Variants in GDNF observed in about 807,000 individuals in gnomAD.
GDNF encodes glial cell derived neurotrophic factor, also known as glial cell line-derived neurotrophic factor.
A neutral mutation model predicts 13.7 loss-of-function variants in GDNF; 5 were observed. The ratio of observed to expected loss-of-function variants is 0.36; its 90% CI spans 0.19 to 0.77. The LOEUF is 0.77. Ranked by LOEUF, GDNF falls within the 30% of genes least tolerant of loss-of-function variation. The probability of loss-of-function intolerance (pLI) is 0.51; values close to 1 mark genes in which losing one functional copy is unlikely to be tolerated. For synonymous variants in GDNF, 122 were observed against 112.5 expected (o/e 1.08, Z -0.53); for missense variants, 246 against 274.3 (o/e 0.90, Z 0.73).
rs1750806828 is a variant in GDNF, at chr5:37,839,051, C to T, written c.-27+456G>A. Among the ~76,000 whole-genome samples the T allele has an allele frequency of 1.3e-5, 2 of 152,114 alleles. No homozygotes were observed. The highest frequency in any genetic ancestry group is 2.4e-5 in the African/African-American group (1 of 41,438). On this transcript the variant is annotated intron_variant, in intron 1 of 2. Transcript: ENST00000326524. This position sits in a 1 kb window ranked among gnomAD's most constrained non-coding sequence, Gnocchi z 5.5. ...AGCCCCTCCCCCGGCCTGCGCTTTTCCTTGGCACAGATCAAAACAAGCTCA... is the reference window on the plus strand; with the variant it reads ...AGCCCCTCCCCCGGCCTGCGCTTTTTCTTGGCACAGATCAAAACAAGCTCA...
intron 2 of GDNF, among the ~76,000 whole-genome samples, chr5:37,832,258 T>C (rs2111709243): frequency 6.6e-6 from 1 of 152,348 alleles, no homozygotes; most frequent in South Asian, 2.1e-4. Context: ...AAATGAAATG[T>C]GGTGACTTAA....
chr5:37,828,058 C>A (rs1750390167), intron 2 of GDNF, among the ~76,000 whole-genome samples: 1 of 152,228 alleles, frequency 6.6e-6, no homozygotes, highest in East Asian at 1.9e-4. Flanking sequence ...CTGAGCTAAC[C>A]AGTTGTTTCC....
rs1749922297 is a variant in GDNF, at chr5:37,816,130, T to A, written c.157A>T (p.Met53Leu). 2 of 1,613,768 alleles carry A rather than the reference T, an allele frequency of 1.2e-6. No individual in the cohort carries two copies. The highest frequency in any genetic ancestry group is 1.7e-6 in the Non-Finnish European group (2 of 1,179,688). Residue 53 changes from methionine to leucine, a missense_variant, in exon 3 of 3, where the codon ATG (methionine) becomes TTG (leucine). Physicochemically the swap from Met to Leu is conservative, Grantham distance 15. Coordinates refer to ENST00000326524, the MANE Select transcript of GDNF (RefSeq NM_000514.4). The part of the protein sequence containing the change: ...APFALSSDSN[M>L]PEDYPDQFDD... ...AACTGATCAGGATAATCCTCTGGCA[T>A]ATTTGCTGTTCAAAAAGAAAAGAGA... is the stretch of plus-strand genomic sequence containing the variant.
At position 37,815,552 on chromosome 5, in the gene GDNF, T is replaced by C; in HGVS notation, c.*99A>G. The C allele has an allele frequency of 9.0e-7, 1 of 1,111,972 alleles. No homozygotes were observed. Among genetic ancestry groups the C allele is most frequent in the Non-Finnish European group, 1.4e-6 (1 of 733,364 alleles). The allele number at this position is 1,111,972 out of a possible 1,614,324, so 68.9% of individuals were successfully genotyped here. A position where few individuals can be genotyped will look rare whatever the true frequency, so the allele number is the denominator to read the frequency against. On this transcript the variant is annotated 3_prime_UTR_variant, in exon 3 of 3. Transcript: ENST00000326524. This position sits in a 1 kb window ranked among gnomAD's most constrained non-coding sequence, Gnocchi z 5.0. Reference sequence around the variant, plus strand: ...TCTTCCTCCTCCTCCGCCTCCTTGGTCCTCATCTTCCATTCTGGGCAAACA... The same window carrying C: ...TCTTCCTCCTCCTCCGCCTCCTTGGCCCTCATCTTCCATTCTGGGCAAACA...
intron 2 of GDNF, among the ~76,000 whole-genome samples, chr5:37,827,997 C>T (rs1465471663): frequency 6.6e-6 from 1 of 152,176 alleles, no homozygotes; most frequent in Non-Finnish European, 1.5e-5. Flanking sequence ...AACCATGCTT[C>T]TCTACTTCAA....
At chr5:37,835,467 G>T in intron 1 of GDNF, 1 of 1,462,580 alleles carries the variant, frequency 6.8e-7, no homozygotes, top group Non-Finnish European at 9.0e-7. Flanking sequence ...AGTTAGCAGG[G>T]ACTTGGAGAC....
Position 37,837,541 on chromosome 5 carries a change from C to T in GDNF, c.-27+1966G>A, listed in dbSNP as rs950451571. Among the ~76,000 whole-genome samples, 1 of 152,168 alleles carries T rather than the reference C, an allele frequency of 6.6e-6. No individual in the cohort carries two copies. ...GCAGAAGCAGCCGCTCGCCGCGAGG[C>T]ACTTCTGAGTTCCCGGCAGCAGGGG... On this transcript the variant is annotated intron_variant, in intron 1 of 2. Coordinates refer to ENST00000326524, the MANE Select transcript of GDNF (RefSeq NM_000514.4). The surrounding 1 kb of genome is among the most constrained non-coding windows in gnomAD (Gnocchi z 6.5).
In GDNF at chr5:37,835,689, T is replaced by C. The variant is rs1053942222; in HGVS notation, c.-26-867A>G. On this transcript the variant is annotated intron_variant, in intron 1 of 2. Transcript: ENST00000326524. ...TTGAAAGTTTTAATCCTCCGTGGTA[T>C]ACCCGAAAACCCTCTCTTGACTGGA... 1.9e-6 allele frequency: 3 copies of C among 1,546,670 alleles called. No individual in the cohort carries two copies. The African/African-American group carries it at 4.1e-5, about 21-fold the overall frequency.
In GDNF at chr5:37,831,634, T is replaced by A. The variant is rs145811785; in HGVS notation, c.151+3012A>T. On this transcript the variant is annotated intron_variant, in intron 2 of 2. Transcript: ENST00000326524. Reference sequence around the variant, plus strand: ...TTTGGGGGAAACTCTGGTCCCAGCTTCAGACCTGCCTCCTGTGATCATGGA... The same window carrying A: ...TTTGGGGGAAACTCTGGTCCCAGCTACAGACCTGCCTCCTGTGATCATGGA... Among the ~76,000 whole-genome samples, 648 of 152,288 alleles carry A rather than the reference T, an allele frequency of 4.3e-3. 4 individuals are homozygous for A. The highest frequency in any genetic ancestry group is 5.5e-3 in the Non-Finnish European group (371 of 68,016).
chr5:37,819,152 A>G (rs375000788), intron 2 of GDNF, among the ~76,000 whole-genome samples: 7 of 151,946 alleles, frequency 4.6e-5, no homozygotes, highest in East Asian at 3.9e-4. Flanking sequence ...GCGGAAAGAG[A>G]GTTCTTAATT....
intron 2 of GDNF, among the ~76,000 whole-genome samples, chr5:37,818,439 C>T (rs567286611): frequency 1.1e-4 from 16 of 152,332 alleles, no homozygotes; most frequent in African/African-American, 3.8e-4. Context: ...TGTGACTTTG[C>T]TCCTCCTTTG....
At position 37,834,718 on chromosome 5, in the gene GDNF, T is replaced by C. The variant is rs1750640070; in HGVS notation, c.79A>G (p.Arg27Gly). The C allele has an allele frequency of 1.2e-6, 2 of 1,611,370 alleles. No individual in the cohort carries two copies. Among genetic ancestry groups the C allele is most frequent in the African/African-American group, 1.3e-5 (1 of 74,744 alleles). ...ASAFPLPAGK[R>G]PPEAPAEDRS... ...TCTTCGGCGGGCGCCTCGGGAGGCC[T>C]CTTACCGGCGGGCAGCGGGAAGGCG... Residue 27 changes from arginine (R) to glycine (G), a missense_variant, in exon 2 of 3, where the codon AGG (arginine) becomes GGG (glycine). Coordinates refer to ENST00000326524, the MANE Select transcript of GDNF (RefSeq NM_000514.4).
chr5:37,818,617 T>C (rs889963650), intron 2 of GDNF, among the ~76,000 whole-genome samples: 11 of 152,180 alleles, frequency 7.2e-5, no homozygotes, highest in African/African-American at 2.7e-4. Context: ...GATCAAGGTA[T>C]CTCTGGATAT....
chr5:37,826,507 C>T (rs1398933672), intron 2 of GDNF, among the ~76,000 whole-genome samples: 1 of 152,216 alleles, frequency 6.6e-6, no homozygotes, highest in Non-Finnish European at 1.5e-5. Context: ...GCAGAAGCCA[C>T]AGGCCCGTCT....
chr5:37,836,409 T>G (rs544489368), intron 1 of GDNF, among the ~76,000 whole-genome samples: 3 of 152,042 alleles, frequency 2.0e-5, no homozygotes, highest in Non-Finnish European at 1.5e-5. Flanking sequence ...CAGAGACTAA[T>G]GCATTTTACA....
At position 37,838,658 on chromosome 5, in the gene GDNF, C is replaced by A. The variant is rs1347765038; in HGVS notation, c.-27+849G>T. ...GGAACCCGCGAAAGTCCGTTTCCAGCCCGAAGAGGGTTCGTTTTTCTTCGT... is the reference window on the plus strand; with the variant it reads ...GGAACCCGCGAAAGTCCGTTTCCAGACCGAAGAGGGTTCGTTTTTCTTCGT... On this transcript the variant is annotated intron_variant, in intron 1 of 2. Transcript: ENST00000326524. The surrounding 1 kb of genome is among the most constrained non-coding windows in gnomAD (Gnocchi z 4.1). 1.3e-5 allele frequency among the ~76,000 whole-genome samples: 2 copies of A among 152,208 alleles called. No homozygotes were observed. Among genetic ancestry groups the A allele is most frequent in the Non-Finnish European group, 2.9e-5 (2 of 68,044 alleles).
chr5:37,826,265 A>G lies in GDNF; in HGVS notation c.151+8381T>C, dbSNP rs1003336699. Among the ~76,000 whole-genome samples, 4 of 152,366 alleles carry G rather than the reference A, an allele frequency of 2.6e-5. No individual in the cohort carries two copies. The South Asian group carries it at 8.3e-4, about 32-fold the overall frequency. On this transcript the variant is annotated intron_variant, in intron 2 of 2. Coordinates refer to ENST00000326524, the MANE Select transcript of GDNF (RefSeq NM_000514.4). ...TTTCAGCTCAGTTCCTGGTCCACAG[A>G]AAGTATTTCACAAATGGTGCCTAAT...
In GDNF at chr5:37,839,377, C is replaced by T. The variant is rs1370001312; in HGVS notation, c.-27+130G>A. The stretch of plus-strand genomic sequence containing the variant: ...GCTTAGGTTCCCTCTAGTCTTTCCA[C>T]TTTCTACTCTCACCGTTTGCTCTGG... On this transcript the variant is annotated intron_variant, in intron 1 of 2. Transcript: ENST00000326524. This position sits in a 1 kb window ranked among gnomAD's most constrained non-coding sequence, Gnocchi z 5.5. The T allele has an allele frequency of 6.6e-6, 1 of 152,334 alleles. No individual in the cohort carries two copies. Among genetic ancestry groups the T allele is most frequent in the East Asian group, 1.9e-4 (1 of 5,178 alleles). 9.4% of individuals were successfully genotyped at this position (152,334 alleles called of 1,614,324 possible). A position where few individuals can be genotyped will look rare whatever the true frequency, so the allele number is the denominator to read the frequency against.
intron 1 of GDNF, 135 bp from the exon 2 acceptor site, chr5:37,834,957 G>C (rs1217228646): frequency 1.3e-6 from 1 of 768,430 alleles, no homozygotes; most frequent in Non-Finnish European, 2.1e-6. Context: ...GCGGCTCCTC[G>C]GGCACTCCTG....
Sources: allele counts gnomAD v4.1 joint callset (sites outside exome capture counted in the v4.1 genomes callset), GRCh38; gene constraint gnomAD v4.1.1; non-coding constraint Gnocchi (gnomAD v3.1); transcripts MANE v1.5; gene names NCBI Gene and HGNC (gene_info 2026-07-23, HGNC 2026-07-21).